Variants in ZNF623 observed in about 807,000 individuals in gnomAD.
ZNF623 encodes the protein zinc finger protein 623.
Under a neutral mutation model 24.0 loss-of-function variants are expected in ZNF623, and 16 were observed. The ratio of observed to expected loss-of-function variants is 0.67; its 90% CI spans 0.45 to 1.01. The LOEUF (loss-of-function observed/expected upper bound fraction) is 1.01, where lower values mean the gene tolerates loss of function less well. ZNF623 is among the 50% of genes least tolerant of loss of function. The probability of loss-of-function intolerance (pLI) is 0.00; values close to 1 mark genes in which losing one functional copy is unlikely to be tolerated. For missense variants in ZNF623, 566 were observed against 606.5 expected (o/e 0.93, Z 0.70); for synonymous variants, 224 against 219.8 (o/e 1.02, Z -0.17).
chr8:143,645,239 C>G (rs575477758), intron 1 of ZNF623, among the ~76,000 whole-genome samples: 7 of 152,168 alleles, frequency 4.6e-5, no homozygotes, highest in Middle Eastern at 3.4e-3. Context: ...GTCAGGAGAT[C>G]GAGACCATCC....
At position 143,651,252 on chromosome 8, in the gene ZNF623, G is replaced by T; in HGVS notation, c.1260G>T (p.Val420=). 6.2e-7 allele frequency: 1 copy of T among 1,614,194 alleles called. No homozygotes were observed. Among genetic ancestry groups the T allele is most frequent in the Non-Finnish European group, 8.5e-7 (1 of 1,180,020 alleles). ...QIIHTGEKPY[V]CSYCGKGFIQ... is the part of the protein sequence containing the mutation. Reference sequence around the variant, plus strand: ...TTCACACTGGAGAAAAGCCCTATGTGTGCAGTTATTGTGGGAAAGGCTTTA... The same window carrying T: ...TTCACACTGGAGAAAAGCCCTATGTTTGCAGTTATTGTGGGAAAGGCTTTA... Residue 420 remains valine, a synonymous_variant, in exon 2 of 2, where the codon GTG becomes GTT. Transcript: ENST00000526926.
At chr8:143,641,442 GTTTTTT>G (rs1156729366) in intron 1 of ZNF623, among the ~76,000 whole-genome samples, 1 of 10,038 alleles carries the variant, frequency 1.0e-4, no homozygotes, top group African/African-American at 1.7e-4. Flanking sequence ...AGTGAGTAGT[GTTTTTT>G]TTTTTTTTTT....
intron 1 of ZNF623, among the ~76,000 whole-genome samples, chr8:143,639,940 C>T (rs1011133043): frequency 1.3e-5 from 2 of 152,104 alleles, no homozygotes; most frequent in African/African-American, 4.8e-5. Flanking sequence ...TAAGGGGACA[C>T]TAGGAAATGT....
Position 143,643,052 on chromosome 8 carries a change from G to C in ZNF623, c.-95-6846G>C, listed in dbSNP as rs1009066516. On this transcript the variant is annotated intron_variant, in intron 1 of 1. Transcript: ENST00000526926. Reference sequence around the variant, plus strand: ...AATCACACAGACCCTGGGAAGCAGAGGTTCCTCCATCTGGTTGGAGAACAG... The same window carrying C: ...AATCACACAGACCCTGGGAAGCAGACGTTCCTCCATCTGGTTGGAGAACAG... Among the ~76,000 whole-genome samples, 23 of 152,206 alleles carry C rather than the reference G, an allele frequency of 1.5e-4. 1 individual carries two copies. Among genetic ancestry groups the C allele is most frequent in the Admixed American group, 1.5e-3 (23 of 15,284 alleles).
intron 1 of ZNF623, chr8:143,649,517 A>C: frequency 4.5e-6 from 1 of 223,024 alleles, no homozygotes. Flanking sequence ...GAAGGAAGGA[A>C]TGAGGAACAG....
At position 143,643,654 on chromosome 8, in the gene ZNF623, G is replaced by T. The variant is rs147865586; in HGVS notation, c.-95-6244G>T. 3.3e-5 allele frequency among the ~76,000 whole-genome samples: 5 copies of T among 152,360 alleles called. No individual in the cohort carries two copies. In the East Asian group the frequency reaches 9.6e-4, roughly 29 times the overall value. On this transcript the variant is annotated intron_variant, in intron 1 of 1. Transcript: ENST00000526926. ...ACCATGTGCCCCTGCCAGTGACAGT[G>T]TCTCCTGAACACCATTGCAGCTTAC...
In ZNF623 at chr8:143,651,126, C is replaced by T; in HGVS notation, c.1134C>T (p.Leu378=). The part of the protein sequence containing the change: ...CGKAFLQKAH[L]TEHQKIHSGD... ...AAGCGTTTCTCCAGAAAGCCCATCT[C>T]ACTGAGCACCAGAAGATCCACTCTG... Residue 378 remains leucine (L), a synonymous_variant, in exon 2 of 2, where the codon CTC becomes CTT. Transcript: ENST00000526926. The T allele has an allele frequency of 6.2e-7, 1 of 1,614,078 alleles. No individual in the cohort carries two copies. The highest frequency in any genetic ancestry group is 2.2e-5 in the East Asian group (1 of 44,868).
intron 1 of ZNF623, among the ~76,000 whole-genome samples, chr8:143,645,979 C>T (rs905438131): frequency 1.1e-4 from 16 of 152,036 alleles, no homozygotes; most frequent in African/African-American, 3.9e-4. Flanking sequence ...CACTGTTAAT[C>T]TTTCTTTAAG....
chr8:143,639,588 C>G (rs1815004467), intron 1 of ZNF623, among the ~76,000 whole-genome samples: 1 of 152,174 alleles, frequency 6.6e-6, no homozygotes. Context: ...GTCCTGAGCT[C>G]AAGCAGTCTA....
chr8:143,651,129 T>C lies in ZNF623; in HGVS notation c.1137T>C (p.Thr379=). The C allele has an allele frequency of 6.2e-7, 1 of 1,614,128 alleles. No individual in the cohort carries two copies. The highest frequency in any genetic ancestry group is 1.1e-5 in the South Asian group (1 of 91,090). ...CGTTTCTCCAGAAAGCCCATCTCAC[T>C]GAGCACCAGAAGATCCACTCTGGGG... is the stretch of plus-strand genomic sequence containing the variant. ...GKAFLQKAHL[T]EHQKIHSGDR... The change falls in exon 2 of 2, where the codon ACT becomes ACC. Residue 379 remains threonine, a synonymous_variant. Transcript: ENST00000526926.
intron 1 of ZNF623, 98 bp from the exon 2 acceptor site, chr8:143,649,800 C>G: frequency 6.8e-7 from 1 of 1,480,314 alleles, no homozygotes; most frequent in Non-Finnish European, 9.2e-7. Flanking sequence ...AGAGGAAACA[C>G]TTTCCACCTC....
Position 143,650,068 on chromosome 8 carries a change from C to G in ZNF623, c.76C>G (p.Gln26Glu), listed in dbSNP as rs898915922. The G allele has an allele frequency of 8.7e-6, 14 of 1,614,130 alleles. No homozygotes were observed. Among genetic ancestry groups the G allele is most frequent in the Non-Finnish European group, 1.1e-5 (13 of 1,180,002 alleles). The change falls in exon 2 of 2, where the codon CAG (glutamine) becomes GAG (glutamate). Residue 26 changes from glutamine (Q) to glutamate (E), a missense_variant. Coordinates refer to ENST00000526926, the MANE Select transcript of ZNF623 (RefSeq NM_001261843.2). This position sits in a 1 kb window ranked among gnomAD's most constrained non-coding sequence, Gnocchi z 5.2. ...LGELLGNPEG[Q>E]SLGSSPSQDR... ...GGAGCTCTTGGGAAATCCAGAAGGT[C>G]AGAGCCTGGGGAGTTCCCCCTCTCA...
intron 1 of ZNF623, among the ~76,000 whole-genome samples, chr8:143,637,826 G>A (rs974478566): frequency 6.6e-6 from 1 of 152,106 alleles, no homozygotes; most frequent in Non-Finnish European, 1.5e-5. Context: ...GGGATTACAG[G>A]CGTGAGCCAC....
intron 1 of ZNF623, among the ~76,000 whole-genome samples, chr8:143,644,273 C>T (rs1442608724): frequency 1.3e-5 from 2 of 152,196 alleles, no homozygotes; most frequent in Admixed American, 6.5e-5. Flanking sequence ...CCACCTTAGC[C>T]TCCCAAAGTG....
At chr8:143,647,538 G>A (rs1302045660) in intron 1 of ZNF623, among the ~76,000 whole-genome samples, 1 of 152,218 alleles carries the variant, frequency 6.6e-6, no homozygotes, top group African/African-American at 2.4e-5. Context: ...AGGACATCTA[G>A]GAGTGAACCC....
At chr8:143,638,392 A>T (rs1814972993) in intron 1 of ZNF623, among the ~76,000 whole-genome samples, 1 of 151,030 alleles carries the variant, frequency 6.6e-6, no homozygotes, top group South Asian at 2.1e-4. Flanking sequence ...GAAAATTATT[A>T]AGAGGCACAC....
chr8:143,644,658 G>A (rs62522225), intron 1 of ZNF623, among the ~76,000 whole-genome samples: 12,957 of 152,018 alleles, frequency 0.085, 678 homozygotes, highest in East Asian at 0.22. Context: ...GGGAGGCCAA[G>A]GTGGCTGGAC....
chr8:143,645,126 C>CT (rs1815142101), intron 1 of ZNF623, among the ~76,000 whole-genome samples: 1 of 97,342 alleles, frequency 1.0e-5, no homozygotes, highest in Non-Finnish European at 1.7e-5. Flanking sequence ...AAAACTCCAT[C>CT]TCAAAAAAAA....
At chr8:143,643,612 G>T (rs1815107788) in intron 1 of ZNF623, among the ~76,000 whole-genome samples, 1 of 152,252 alleles carries the variant, frequency 6.6e-6, no homozygotes, top group Non-Finnish European at 1.5e-5. Flanking sequence ...GTGAGCACCT[G>T]TGTGACTCAG....
Sources: allele counts gnomAD v4.1 joint callset (sites outside exome capture counted in the v4.1 genomes callset), GRCh38; gene constraint gnomAD v4.1.1; non-coding constraint Gnocchi (gnomAD v3.1); transcripts MANE v1.5; gene names NCBI Gene and HGNC (gene_info 2026-07-23, HGNC 2026-07-21).